Variants in DOCK10 observed in about 807,000 individuals in gnomAD.
The protein encoded by DOCK10 is dedicator of cytokinesis protein 10.
In DOCK10, 145 loss-of-function variants were observed where a neutral mutation model predicts 280.1. That is an observed-to-expected ratio of 0.52 (90% CI 0.45 to 0.59). DOCK10 has a LOEUF of 0.59. DOCK10 is among the 20% of genes least tolerant of loss of function. DOCK10 has a pLI of 0.00. For missense variants in DOCK10, 2,368 were observed against 2,651.7 expected, an observed-to-expected ratio of 0.89 and a Z score of 2.35; for synonymous variants, 915 against 942.2, an observed-to-expected ratio of 0.97 and a Z score of 0.53.
At chr2:224,922,595 C>T (rs1701823290) in intron 2 of DOCK10, among the ~76,000 whole-genome samples, 2 of 152,142 alleles carry the variant, frequency 1.3e-5, no homozygotes, top group African/African-American at 4.8e-5. Flanking sequence ...AGACATCCTC[C>T]CTTGCAGCCC....
chr2:224,822,117 C>T (rs1694545453), intron 28 of DOCK10, among the ~76,000 whole-genome samples: 1 of 152,144 alleles, frequency 6.6e-6, no homozygotes, highest in Admixed American at 6.6e-5. Flanking sequence ...CTCACACTCA[C>T]CCATATGTTC....
chr2:224,863,818 G>A (rs1407238163), intron 13 of DOCK10, among the ~76,000 whole-genome samples: 1 of 152,176 alleles, frequency 6.6e-6, no homozygotes, highest in Non-Finnish European at 1.5e-5. Flanking sequence ...AAAGAAGAAA[G>A]TAGAAACATA....
At chr2:224,869,423 A>G (rs928725055) in intron 11 of DOCK10, among the ~76,000 whole-genome samples, 4 of 152,252 alleles carry the variant, frequency 2.6e-5, no homozygotes, top group African/African-American at 7.2e-5. Context: ...AATTTAAAAC[A>G]TGCTCATTGA....
At chr2:225,032,196 A>C (rs1156764388) in intron 1 of DOCK10, among the ~76,000 whole-genome samples, 5 of 152,238 alleles carry the variant, frequency 3.3e-5, no homozygotes, top group African/African-American at 4.8e-5. Context: ...CTTGGTGTCC[A>C]ACTCTCTTGT....
chr2:224,936,777 C>A (rs1702717480), intron 1 of DOCK10, among the ~76,000 whole-genome samples: 1 of 151,992 alleles, frequency 6.6e-6, no homozygotes, highest in South Asian at 2.1e-4. Flanking sequence ...CTGCATTCTC[C>A]AAATTTCTAC....
At chr2:224,961,076 ATCC>A (rs2126164459) in intron 1 of DOCK10, among the ~76,000 whole-genome samples, 1 of 152,176 alleles carries the variant, frequency 6.6e-6, no homozygotes, top group Admixed American at 6.5e-5. Flanking sequence ...TTTTCTTGTA[ATCC>A]TCCTCGTTGC....
intron 1 of DOCK10, among the ~76,000 whole-genome samples, chr2:225,041,644 G>T (rs1371771905): frequency 2.0e-5 from 3 of 152,172 alleles, no homozygotes; most frequent in Non-Finnish European, 2.9e-5. Context: ...GTCTCCTCCA[G>T]CCTGTGTTCC....
Position 224,807,377 on chromosome 2 carries a change from T to C in DOCK10, c.3702+291A>G, listed in dbSNP as rs894213737. On this transcript the variant is annotated intron_variant, in intron 33 of 55. Coordinates refer to ENST00000258390, the MANE Select transcript of DOCK10 (RefSeq NM_014689.3). ...GAAAGTGGTAGGAGAAGGTGTCCAC[T>C]GAGGAAGGGGTCATAATTGCAACAG... 8 of 246,140 alleles carry C rather than the reference T, an allele frequency of 3.3e-5. No homozygotes were observed. The East Asian group carries it at 5.9e-4, about 18-fold the overall frequency. 15.2% of individuals were successfully genotyped at this position (246,140 alleles called of 1,614,324 possible). A position where few individuals can be genotyped will look rare whatever the true frequency, so the allele number is the denominator to read the frequency against.
chr2:225,041,739 G>T (rs1690428979), intron 1 of DOCK10, among the ~76,000 whole-genome samples: 1 of 152,094 alleles, frequency 6.6e-6, no homozygotes, highest in Non-Finnish European at 1.5e-5. Flanking sequence ...CTATTTCTGC[G>T]ATAGTTAACG....
At chr2:225,022,240 C>T (rs957240761) in intron 1 of DOCK10, among the ~76,000 whole-genome samples, 1 of 152,154 alleles carries the variant, frequency 6.6e-6, no homozygotes, top group Non-Finnish European at 1.5e-5. Context: ...TGTCTTAGAC[C>T]TACCATTTAA....
chr2:224,782,144 C>T (rs1691387632), intron 50 of DOCK10, among the ~76,000 whole-genome samples: 1 of 152,124 alleles, frequency 6.6e-6, no homozygotes, highest in South Asian at 2.1e-4. Flanking sequence ...AGATATGTGG[C>T]CTAGATCAGC....
intron 7 of DOCK10, among the ~76,000 whole-genome samples, chr2:224,884,401 G>A (rs1699155954): frequency 6.6e-6 from 1 of 152,216 alleles, no homozygotes; most frequent in Non-Finnish European, 1.5e-5. Context: ...CTACTGGCCT[G>A]TGACCAGAAA....
chr2:224,844,279 C>T (rs569191151), intron 22 of DOCK10, among the ~76,000 whole-genome samples: 46 of 152,164 alleles, frequency 3.0e-4, no homozygotes, highest in African/African-American at 1.1e-3. Context: ...TACAGGCATG[C>T]GTCACCATGC....
chr2:224,807,574 C>T (rs1693477954), intron 33 of DOCK10, 94 bp downstream of exon 33: 3 of 784,600 alleles, frequency 3.8e-6, no homozygotes, highest in East Asian at 5.4e-5. Context: ...AGTATGTTCA[C>T]AGATGAGAAG....
At chr2:224,828,830 A>C (rs1241946177) in intron 27 of DOCK10, among the ~76,000 whole-genome samples, 3 of 152,204 alleles carry the variant, frequency 2.0e-5, no homozygotes, top group African/African-American at 7.2e-5. Context: ...TCCTAGGGAC[A>C]AAACAGAGAG....
At chr2:224,799,797 A>G (rs1459678600) in intron 41 of DOCK10, among the ~76,000 whole-genome samples, 1 of 152,220 alleles carries the variant, frequency 6.6e-6, no homozygotes, top group Non-Finnish European at 1.5e-5. Context: ...TTTTCTTTAG[A>G]TCTAGTTGTA....
chr2:224,783,029 A>G (rs1198846375), intron 50 of DOCK10, among the ~76,000 whole-genome samples: 3 of 152,112 alleles, frequency 2.0e-5, no homozygotes, highest in Non-Finnish European at 4.4e-5. Context: ...ATGTGAAGTG[A>G]TATGTGCTGT....
chr2:224,891,819 A>G (rs1301929811), intron 4 of DOCK10, among the ~76,000 whole-genome samples: 1 of 152,206 alleles, frequency 6.6e-6, no homozygotes, highest in Non-Finnish European at 1.5e-5. Flanking sequence ...GTTGTAGTGA[A>G]TGTAAGCGTG....
chr2:224,987,041 A>C (rs753611577), intron 1 of DOCK10, among the ~76,000 whole-genome samples: 1 of 152,166 alleles, frequency 6.6e-6, no homozygotes, highest in Non-Finnish European at 1.5e-5. Context: ...GGCCAGCAGA[A>C]CATGGTTTCC....
Sources: gnomAD v4.1 joint callset for allele counts (sites outside exome capture counted in the v4.1 genomes callset) on GRCh38, gnomAD v4.1.1 for gene constraint, MANE v1.5 for transcripts, NCBI Gene and HGNC (gene_info 2026-07-23, HGNC 2026-07-21) for gene names.